RASGEF1C: variants seen among roughly 807,000 people sequenced by gnomAD.
The protein encoded by RASGEF1C is RasGEF domain family member 1C, also known as ras-GEF domain-containing family member 1C.
In RASGEF1C, 27 loss-of-function variants were observed where a neutral mutation model predicts 58.1. That is an observed-to-expected ratio of 0.46 (90% CI 0.34 to 0.64). RASGEF1C has a LOEUF of 0.64. RASGEF1C is among the 30% of genes least tolerant of loss of function. The pLI, the probability that RASGEF1C is intolerant of heterozygous loss-of-function variation, is 0.01. For missense variants in RASGEF1C, 502 were observed against 605.1 expected, an observed-to-expected ratio of 0.83 and a Z score of 1.79; for synonymous variants, 243 against 246.3, an observed-to-expected ratio of 0.99 and a Z score of 0.13.
chr5:180,131,742 A>C (rs1766373668), intron 4 of RASGEF1C, among the ~76,000 whole-genome samples: 2 of 152,208 alleles, frequency 1.3e-5, no homozygotes, highest in Admixed American at 1.3e-4. Context: ...GCCCGTGCCA[A>C]AATCAAGGCT....
intron 13 of RASGEF1C, 117 bp downstream of exon 13, chr5:180,101,954 C>T: frequency 2.7e-6 from 2 of 737,296 alleles, no homozygotes; most frequent in Non-Finnish European, 4.6e-6. Context: ...ATCTCTGAAG[C>T]CCCTCGGCCC....
intron 6 of RASGEF1C, among the ~76,000 whole-genome samples, chr5:180,122,945 C>G (rs1766199982): frequency 6.6e-6 from 1 of 152,054 alleles, no homozygotes; most frequent in Non-Finnish European, 1.5e-5. Context: ...TTCTTATGGA[C>G]TAGTGATTAC....
At chr5:180,164,251 T>C (rs1371476901) in intron 1 of RASGEF1C, among the ~76,000 whole-genome samples, 1 of 152,144 alleles carries the variant, frequency 6.6e-6, no homozygotes, top group Non-Finnish European at 1.5e-5. Flanking sequence ...TTTTTATCAT[T>C]TCCTTCTTTA....
At chr5:180,180,757 T>C (rs1767311728) in intron 1 of RASGEF1C, among the ~76,000 whole-genome samples, 1 of 152,238 alleles carries the variant, frequency 6.6e-6, no homozygotes, top group Non-Finnish European at 1.5e-5. Flanking sequence ...ACCTACATCC[T>C]GGAAAGCACA....
chr5:180,120,763 A>T (rs1766154081), intron 7 of RASGEF1C, among the ~76,000 whole-genome samples: 1 of 152,228 alleles, frequency 6.6e-6, no homozygotes, highest in Non-Finnish European at 1.5e-5. Context: ...AGGCCGGCAC[A>T]GATGGAGAGA....
intron 1 of RASGEF1C, among the ~76,000 whole-genome samples, chr5:180,173,718 G>C (rs58904495): frequency 2.6e-5 from 4 of 152,070 alleles, no homozygotes; most frequent in Non-Finnish European, 4.4e-5. Context: ...TTTGAGACCA[G>C]CCTGGCCAAC....
intron 1 of RASGEF1C, among the ~76,000 whole-genome samples, chr5:180,178,346 C>T: frequency 7.4e-6 from 1 of 135,432 alleles, no homozygotes; most frequent in African/African-American, 2.8e-5. Context: ...GTGGCGTGAT[C>T]TCAGCTCACT....
chr5:180,149,302 G>A (rs1286774882), intron 1 of RASGEF1C, among the ~76,000 whole-genome samples: 1 of 150,746 alleles, frequency 6.6e-6, no homozygotes, highest in Non-Finnish European at 1.5e-5. Flanking sequence ...TGGCCAGGAT[G>A]GTCTCAATAT....
rs777452980 is a variant in RASGEF1C, at chr5:180,118,773, G to A, written c.987+14C>T. ...ATGGCCGGAGGCACCCGGCAGCCCA[G>A]CAGCCTCATTTACCTCGAGGATGAA... On this transcript the variant is annotated intron_variant, in intron 9 of 13. Coordinates refer to ENST00000361132, the MANE Select transcript of RASGEF1C (RefSeq NM_175062.4). 11 of 1,614,162 alleles carry A rather than the reference G, an allele frequency of 6.8e-6. No homozygotes were observed. Among genetic ancestry groups the A allele is most frequent in the Non-Finnish European group, 8.5e-6 (10 of 1,179,956 alleles).
At chr5:180,159,528 C>T (rs1156532218) in intron 1 of RASGEF1C, among the ~76,000 whole-genome samples, 7 of 152,202 alleles carry the variant, frequency 4.6e-5, no homozygotes, top group East Asian at 3.8e-4. Context: ...CCCTGCTCTC[C>T]GTCTGCCATG....
intron 1 of RASGEF1C, among the ~76,000 whole-genome samples, chr5:180,166,772 T>A (rs1433618162): frequency 6.6e-6 from 1 of 152,116 alleles, no homozygotes; most frequent in Non-Finnish European, 1.5e-5. Context: ...CGCCTCGGCC[T>A]CCCAAAGTGC....
At chr5:180,122,314 C>G (rs1395067942) in intron 6 of RASGEF1C, among the ~76,000 whole-genome samples, 1 of 152,128 alleles carries the variant, frequency 6.6e-6, no homozygotes, top group Non-Finnish European at 1.5e-5. Flanking sequence ...ATTCCCATGC[C>G]TTGCTATGCG....
intron 1 of RASGEF1C, among the ~76,000 whole-genome samples, chr5:180,173,696 C>CCT (rs1226481819): frequency 7.9e-5 from 12 of 151,946 alleles, no homozygotes; most frequent in African/African-American, 2.2e-4. Flanking sequence ...GGGCAGATCA[C>CCT]AAGGTCAGGA....
intron 1 of RASGEF1C, among the ~76,000 whole-genome samples, chr5:180,162,990 T>C (rs1766965963): frequency 6.6e-6 from 1 of 152,054 alleles, no homozygotes. Flanking sequence ...GGGCTGGGAG[T>C]AGCTATAGCA....
At chr5:180,127,733 G>T (rs1215699176) in intron 5 of RASGEF1C, 50 bp from the exon 6 acceptor site, 2 of 1,563,984 alleles carry the variant, frequency 1.3e-6, no homozygotes, top group East Asian at 2.3e-5. Context: ...ATGGGGAGGG[G>T]GTGTCCACTG....
chr5:180,201,498 T>A (rs997493455), intron 1 of RASGEF1C, among the ~76,000 whole-genome samples: 1 of 152,146 alleles, frequency 6.6e-6, no homozygotes, highest in African/African-American at 2.4e-5. Context: ...CCTGCAGCCA[T>A]CTGTTACCAC....
intron 4 of RASGEF1C, 70 bp from the exon 5 acceptor site, chr5:180,128,680 A>G: frequency 6.8e-7 from 1 of 1,477,486 alleles, no homozygotes; most frequent in Non-Finnish European, 9.3e-7. Context: ...GGAACCAGGC[A>G]GCCACCTGGG....
At chr5:180,204,634 CTAT>C (rs772310257) in intron 1 of RASGEF1C, among the ~76,000 whole-genome samples, 2 of 151,976 alleles carry the variant, frequency 1.3e-5, no homozygotes, top group Non-Finnish European at 1.5e-5. Flanking sequence ...ATCTATCTAT[CTAT>C]CTATCTATCT....
chr5:180,182,440 C>T (rs939263968), intron 1 of RASGEF1C, among the ~76,000 whole-genome samples: 3 of 152,152 alleles, frequency 2.0e-5, no homozygotes, highest in Non-Finnish European at 2.9e-5. Context: ...AAGAACTCAG[C>T]TTCCACAGCT....
Sources: allele counts gnomAD v4.1 joint callset (sites outside exome capture counted in the v4.1 genomes callset), GRCh38; gene constraint gnomAD v4.1.1; transcripts MANE v1.5; gene names NCBI Gene and HGNC (gene_info 2026-07-23, HGNC 2026-07-21).